Variants in DLC1 observed in about 807,000 individuals in gnomAD.
DLC1 encodes the protein rho GTPase-activating protein 7.
A neutral mutation model predicts 140.3 loss-of-function variants in DLC1; 54 were observed. The ratio of observed to expected loss-of-function variants is 0.38; its 90% CI spans 0.31 to 0.48. The LOEUF (loss-of-function observed/expected upper bound fraction) is 0.48. DLC1 is among the 20% of genes least tolerant of loss of function. The pLI is 0.96. For missense variants in DLC1, 2,536 were observed against 1,907.0 expected (o/e 1.33, Z -6.14); for synonymous variants, 986 against 728.1 (o/e 1.35, Z -5.70).
At chr8:13,361,357 C>G (rs1022255468) in intron 4 of DLC1, among the ~76,000 whole-genome samples, 1 of 151,916 alleles carries the variant, frequency 6.6e-6, no homozygotes, top group Non-Finnish European at 1.5e-5. Context: ...TGGGCTCAAG[C>G]AATCCTCCTG....
rs1487346725 is a variant in DLC1 at position 13,579,315 on chromosome 8, T to TTTTTTATA, written c.-126+25221_-126+25222insTATAAAAA. The stretch of plus-strand genomic sequence containing the variant: ...AAAGTCAGATACCACAGGTCTGACT[T>TTTTTTATA]TATATATATATATATATATATATAT... On this transcript the variant is annotated intron_variant, in intron 1 of 1. Coordinates refer to the DLC1 transcript ENST00000631382. Among the ~76,000 whole-genome samples the TTTTTTATA allele has an allele frequency of 5.4e-3, 58 of 10,662 alleles. 7 individuals carry two copies. The highest frequency in any genetic ancestry group is 8.7e-3 in the Non-Finnish European group (53 of 6,078). 7.0% of individuals were successfully genotyped at this position (10,662 alleles called of 152,430 possible). A position where few individuals can be genotyped will look rare whatever the true frequency, so the allele number is the denominator to read the frequency against.
intron 5 of DLC1, among the ~76,000 whole-genome samples, chr8:13,272,054 T>C (rs1315039779): frequency 6.6e-6 from 1 of 152,246 alleles, no homozygotes; most frequent in African/African-American, 2.4e-5. Flanking sequence ...TTCCCTTATA[T>C]GTCATGTTCT....
At chr8:13,246,812 A>G (rs754948353) in intron 5 of DLC1, among the ~76,000 whole-genome samples, 6 of 152,166 alleles carry the variant, frequency 3.9e-5, no homozygotes, top group Non-Finnish European at 7.4e-5. Flanking sequence ...CTAGCAGAGG[A>G]TCTGAGACAT....
Position 13,132,970 on chromosome 8 carries a change from T to C in DLC1, c.1349-17313A>G, listed in dbSNP as rs565704406. The C allele has an allele frequency of 3.7e-6, 6 of 1,611,352 alleles. No individual in the cohort carries two copies. In the South Asian group the frequency reaches 6.6e-5, roughly 18 times the overall value. On this transcript the variant is annotated intron_variant, in intron 5 of 17. Coordinates refer to ENST00000276297, the MANE Select transcript of DLC1 (RefSeq NM_182643.3). ...TGTTAGGATCATGGTGTCCGGCTTCTTTCTGCACATCAAGCACGGCAGGCG... is the reference window on the plus strand; with the variant it reads ...TGTTAGGATCATGGTGTCCGGCTTCCTTCTGCACATCAAGCACGGCAGGCG...
intron 1 of DLC1, among the ~76,000 whole-genome samples, chr8:13,540,194 A>G (rs1312907619): frequency 6.6e-6 from 1 of 152,210 alleles, no homozygotes; most frequent in East Asian, 1.9e-4. Context: ...GGTATCAGAA[A>G]TAAGTCAATA....
In DLC1 at chr8:13,312,386, A is replaced by AAAAAAAAAAAAAT. The variant is rs71207139; in HGVS notation, c.1315-7085_1315-7084insATTTTTTTTTTTT. Among the ~76,000 whole-genome samples the AAAAAAAAAAAAAT allele has an allele frequency of 5.0e-3, 411 of 81,636 alleles. 48 individuals carry two copies. The highest frequency in any genetic ancestry group is 6.1e-3 in the Non-Finnish European group (243 of 39,860). The allele number at this position is 81,636 out of a possible 152,430, so 53.6% of individuals were successfully genotyped here. On this transcript the variant is annotated intron_variant, in intron 4 of 17. Transcript: ENST00000276297. ...AAAAAAAAAAAAAAAAAAAAAAAAA[A>AAAAAAAAAAAAAT]AATAATTTCTTTAGCAAGCTAGATA... is the stretch of plus-strand genomic sequence containing the variant.
chr8:13,172,398 G>T (rs1825535888), intron 5 of DLC1, among the ~76,000 whole-genome samples: 2 of 152,212 alleles, frequency 1.3e-5, no homozygotes, highest in South Asian at 4.1e-4. Flanking sequence ...TTTACACTTT[G>T]TAGCTCATTT....
chr8:13,100,203 T>G lies in DLC1; in HGVS notation c.2134A>C (p.Asn712His). Residue 712 changes from asparagine to histidine, a missense_variant, in exon 9 of 18, where the codon AAC (asparagine) becomes CAC (histidine). By Grantham distance (68) the Asn-to-His change is moderately conservative. Coordinates refer to ENST00000276297, the MANE Select transcript of DLC1 (RefSeq NM_182643.3). ...TTGAGGGCGGAGATCTCCACGCAGT[T>G]GAGCTGCTTCAGCTTCTCCTCATCC... Reference protein sequence around the residue: ...GMDEEKLKQLNCVEISALNGN... With the variant: ...GMDEEKLKQLHCVEISALNGN... 1 of 1,614,158 alleles carries G rather than the reference T, an allele frequency of 6.2e-7. No homozygotes were observed. Among genetic ancestry groups the G allele is most frequent in the African/African-American group, 1.3e-5 (1 of 75,038 alleles).
chr8:13,587,602 CATAT>C (rs3066503), intron 1 of DLC1, among the ~76,000 whole-genome samples: 51,017 of 141,882 alleles, frequency 0.36, 9,513 homozygotes, highest in East Asian at 0.48. Context: ...ATATACATTG[CATAT>C]ATATATATAT....
rs146523609 is a variant in DLC1 at position 13,391,601 on chromosome 8, C to G, written c.1314+1952G>C. 8.3e-3 allele frequency among the ~76,000 whole-genome samples: 1,258 copies of G among 152,028 alleles called. 12 individuals carry two copies. Among genetic ancestry groups the G allele is most frequent in the Non-Finnish European group, 0.012 (809 of 67,980 alleles). On this transcript the variant is annotated intron_variant, in intron 4 of 17. Coordinates refer to ENST00000276297, the MANE Select transcript of DLC1 (RefSeq NM_182643.3). ...TTATGTTTCTCATAAAAAACTTTTA[C>G]AAAAAATGGTTACCATAAAAATGTA... is the stretch of plus-strand genomic sequence containing the variant.
chr8:13,574,423 A>C (rs1373157229), intron 1 of DLC1, among the ~76,000 whole-genome samples: 3 of 152,076 alleles, frequency 2.0e-5, no homozygotes, highest in African/African-American at 7.2e-5. Context: ...AATATATTCA[A>C]AGGGGGTTGG....
intron 1 of DLC1, among the ~76,000 whole-genome samples, chr8:13,527,970 G>A (rs1312474769): frequency 2.0e-5 from 3 of 152,064 alleles, no homozygotes; most frequent in Non-Finnish European, 4.4e-5. Context: ...AAAGTATTAA[G>A]TAGTTATTAG....
chr8:13,195,188 C>G (rs1187063837), intron 5 of DLC1, among the ~76,000 whole-genome samples: 1 of 152,216 alleles, frequency 6.6e-6, no homozygotes, highest in Non-Finnish European at 1.5e-5. Context: ...GCTAGAATCT[C>G]AAAGCCTTTG....
chr8:13,452,744 C>G (rs932049462), intron 2 of DLC1, among the ~76,000 whole-genome samples: 1 of 151,994 alleles, frequency 6.6e-6, no homozygotes, highest in Middle Eastern at 3.4e-3. Context: ...GCTGATCTCA[C>G]TTGATGAAAT....
chr8:13,221,712 ATGTGTGTG>A (rs371741645), intron 5 of DLC1, among the ~76,000 whole-genome samples: 17 of 133,728 alleles, frequency 1.3e-4, no homozygotes, highest in African/African-American at 4.7e-4. Context: ...GTGTGTGTAT[ATGTGTGTG>A]TGTGTGTATA....
intron 3 of DLC1, among the ~76,000 whole-genome samples, chr8:13,394,493 C>T (rs1836926395): frequency 6.6e-6 from 1 of 151,344 alleles, no homozygotes; most frequent in African/African-American, 2.5e-5. Context: ...AAAGGCTGCG[C>T]ATTTAATATA....
chr8:13,120,361 A>ATATATATATATATATATG (rs1820954838), intron 5 of DLC1, among the ~76,000 whole-genome samples: 1 of 142,312 alleles, frequency 7.0e-6, no homozygotes. Context: ...AAAAAAATAT[A>ATATATATATATATATATG]TATATATATA....
intron 2 of DLC1, among the ~76,000 whole-genome samples, chr8:13,409,477 AT>A (rs1837696697): frequency 6.6e-6 from 1 of 152,226 alleles, no homozygotes; most frequent in Non-Finnish European, 1.5e-5. Context: ...CAGATAAAAA[AT>A]AATAAGTTTT....
At chr8:13,285,816 T>A (rs1402916171) in intron 5 of DLC1, among the ~76,000 whole-genome samples, 2 of 152,114 alleles carry the variant, frequency 1.3e-5, no homozygotes, top group Non-Finnish European at 2.9e-5. Context: ...TAAAAATATA[T>A]CTTTGTACAA....
Sources: allele counts gnomAD v4.1 joint callset (sites outside exome capture counted in the v4.1 genomes callset), GRCh38; gene constraint gnomAD v4.1.1; transcripts MANE v1.5; gene names NCBI Gene and HGNC (gene_info 2026-07-23, HGNC 2026-07-21).